Variants in SUSD1 observed in about 807,000 individuals in gnomAD.
The protein encoded by SUSD1 is sushi domain-containing protein 1.
SUSD1 carries 65 observed loss-of-function variants against 86.9 expected under a neutral mutation model. The observed-to-expected ratio is 0.75, with a 90% CI of 0.61 to 0.92. SUSD1 has a LOEUF of 0.92. Among genes scored for constraint, SUSD1 ranks in the 40% least tolerant of loss-of-function variants. The pLI is 0.00. For synonymous variants in SUSD1, 346 were observed against 350.0 expected, an observed-to-expected ratio of 0.99 and a Z score of 0.13; for missense variants, 850 against 929.7, an observed-to-expected ratio of 0.91 and a Z score of 1.11.
chr9:112,093,092 G>T (rs892516653), intron 10 of SUSD1, among the ~76,000 whole-genome samples: 50 of 152,248 alleles, frequency 3.3e-4, no homozygotes, highest in African/African-American at 1.1e-3. Context: ...TCCTGTTCAA[G>T]ATAATTACAG....
intron 12 of SUSD1, among the ~76,000 whole-genome samples, chr9:112,063,620 C>A (rs904774106): frequency 6.6e-6 from 1 of 152,112 alleles, no homozygotes; most frequent in Non-Finnish European, 1.5e-5. Context: ...CTTATTTTCC[C>A]GCCCCCAGCA....
At chr9:112,049,411 C>T (rs1828093693) in intron 15 of SUSD1, among the ~76,000 whole-genome samples, 1 of 152,196 alleles carries the variant, frequency 6.6e-6, no homozygotes. Flanking sequence ...CGACTGAGAA[C>T]TGGCCAAGTT....
chr9:112,087,562 A>G (rs1830038076), intron 10 of SUSD1, among the ~76,000 whole-genome samples: 1 of 152,220 alleles, frequency 6.6e-6, no homozygotes, highest in Admixed American at 6.5e-5. Flanking sequence ...AGGAAAAAAT[A>G]ATGAAAATAC....
At chr9:112,132,891 C>A (rs1404594023) in intron 5 of SUSD1, among the ~76,000 whole-genome samples, 1 of 152,316 alleles carries the variant, frequency 6.6e-6, no homozygotes, top group East Asian at 1.9e-4. Flanking sequence ...TTCCATGATC[C>A]TTTGGGCACT....
At chr9:112,163,069 T>G (rs1357388074) in intron 1 of SUSD1, among the ~76,000 whole-genome samples, 1 of 152,204 alleles carries the variant, frequency 6.6e-6, no homozygotes, top group Non-Finnish European at 1.5e-5. Flanking sequence ...AATGCAAATT[T>G]TTTAGATTTT....
chr9:112,070,962 C>G (rs1829241577), intron 12 of SUSD1, among the ~76,000 whole-genome samples: 1 of 151,944 alleles, frequency 6.6e-6, no homozygotes, highest in South Asian at 2.1e-4. Context: ...CCAAATGAAC[C>G]TAAGTGGTTT....
At chr9:112,074,760 T>C (rs1283300508) in intron 12 of SUSD1, among the ~76,000 whole-genome samples, 1 of 151,700 alleles carries the variant, frequency 6.6e-6, no homozygotes, top group Non-Finnish European at 1.5e-5. Flanking sequence ...CATAAGCTTC[T>C]CTTTTTTCCT....
chr9:112,170,642 G>A (rs1408379551), intron 1 of SUSD1, among the ~76,000 whole-genome samples: 2 of 150,562 alleles, frequency 1.3e-5, no homozygotes, highest in African/African-American at 4.9e-5. Context: ...ATGTCATTCA[G>A]CCCATGTTGC....
chr9:112,076,710 A>C (rs1206090633), intron 12 of SUSD1, among the ~76,000 whole-genome samples: 2 of 152,320 alleles, frequency 1.3e-5, no homozygotes, highest in South Asian at 4.1e-4. Flanking sequence ...TCACCTAAGC[A>C]GAAAGGGTAG....
At chr9:112,116,915 G>A (rs1247893917) in intron 6 of SUSD1, among the ~76,000 whole-genome samples, 4 of 152,150 alleles carry the variant, frequency 2.6e-5, no homozygotes, top group African/African-American at 9.7e-5. Flanking sequence ...CGAGGCAGAC[G>A]GATTACTTGA....
intron 3 of SUSD1, among the ~76,000 whole-genome samples, chr9:112,147,705 C>T (rs530870068): frequency 1.3e-5 from 2 of 151,714 alleles, no homozygotes; most frequent in African/African-American, 2.4e-5. Context: ...TGAGGCAGAG[C>T]CTGCAGTGAG....
At chr9:112,165,934 G>GAAA (rs1221664635) in intron 1 of SUSD1, among the ~76,000 whole-genome samples, 6 of 101,554 alleles carry the variant, frequency 5.9e-5, no homozygotes, top group Non-Finnish European at 1.2e-4. Context: ...AAGAAAGAAA[G>GAAA]AAAGAAAGAA....
chr9:112,093,025 C>T (rs1347810538), intron 10 of SUSD1, among the ~76,000 whole-genome samples: 1 of 151,976 alleles, frequency 6.6e-6, no homozygotes, highest in Non-Finnish European at 1.5e-5. Flanking sequence ...TTGAAGGAAC[C>T]TAAAAGTAAT....
intron 1 of SUSD1, among the ~76,000 whole-genome samples, chr9:112,168,911 G>A (rs1433003824): frequency 6.6e-6 from 1 of 152,180 alleles, no homozygotes; most frequent in Admixed American, 6.5e-5. Context: ...ACCTTCCTGA[G>A]ATTCTGTCTG....
At chr9:112,167,108 C>A (rs1161101801) in intron 1 of SUSD1, among the ~76,000 whole-genome samples, 1 of 65,604 alleles carries the variant, frequency 1.5e-5, no homozygotes, top group African/African-American at 9.3e-5. Context: ...ACTGTCAGTT[C>A]TCCAATTTTT....
chr9:112,089,290 A>T (rs1452049995), intron 10 of SUSD1, among the ~76,000 whole-genome samples: 2 of 152,242 alleles, frequency 1.3e-5, no homozygotes, highest in Non-Finnish European at 2.9e-5. Context: ...AAAGAAATGC[A>T]GAAAATATAA....
In SUSD1 at chr9:112,131,813, G is replaced by A. The variant is rs192964167; in HGVS notation, c.707-7377C>T. ...GCTAATTACGTTATTAAGTAACAACGTTTGCATCTGCATCAGAAATACAGT... is the reference window on the plus strand; with the variant it reads ...GCTAATTACGTTATTAAGTAACAACATTTGCATCTGCATCAGAAATACAGT... On this transcript the variant is annotated intron_variant, in intron 5 of 16. Transcript: ENST00000374270. Among the ~76,000 whole-genome samples the A allele has an allele frequency of 1.2e-3, 186 of 152,276 alleles. 1 individual carries two copies. Among genetic ancestry groups the A allele is most frequent in the African/African-American group, 4.0e-3 (168 of 41,544 alleles).
At chr9:112,070,491 C>A (rs990937243) in intron 12 of SUSD1, among the ~76,000 whole-genome samples, 1 of 152,178 alleles carries the variant, frequency 6.6e-6, no homozygotes, top group Non-Finnish European at 1.5e-5. Context: ...CCATCAACCT[C>A]GTTACTGATT....
chr9:112,175,222 G>C lies in SUSD1; in HGVS notation c.14C>G (p.Pro5Arg). 2 of 1,154,904 alleles carry C rather than the reference G, an allele frequency of 1.7e-6. No homozygotes were observed. Among genetic ancestry groups the C allele is most frequent in the South Asian group, 4.2e-5 (1 of 23,696 alleles). The allele number at this position is 1,154,904 out of a possible 1,614,324, so 71.5% of individuals were successfully genotyped here. ...GCGGCGAGACGGGCCCGCATCCCAG[G>C]GCCCCCGGCCCATGCCGCCGCCGGT... MGRG[P>R]WDAGPSRRLL... is the part of the protein sequence containing the mutation. The change falls in exon 1 of 17, where the codon CCC (proline) becomes CGC (arginine). Residue 5 changes from proline to arginine, a missense_variant. By Grantham distance (103) the Pro-to-Arg change is moderately radical. Transcript: ENST00000374270. The surrounding 1 kb of genome is among the most constrained non-coding windows in gnomAD (Gnocchi z 4.7).
Sources: allele counts gnomAD v4.1 joint callset (sites outside exome capture counted in the v4.1 genomes callset), GRCh38; gene constraint gnomAD v4.1.1; non-coding constraint Gnocchi (gnomAD v3.1); transcripts MANE v1.5; gene names NCBI Gene and HGNC (gene_info 2026-07-23, HGNC 2026-07-21).